TCAF1: variants seen among roughly 807,000 people sequenced by gnomAD.
TCAF1 encodes TRPM8 channel-associated factor 1.
TCAF1 carries 4 observed loss-of-function variants against 27.3 expected under a neutral mutation model. That is an observed-to-expected ratio of 0.15 (90% CI 0.07 to 0.34). The LOEUF (loss-of-function observed/expected upper bound fraction) is 0.34. Ranked by LOEUF, TCAF1 falls within the 10% of genes least tolerant of loss-of-function variation. TCAF1 has a pLI of 1.00. For synonymous variants in TCAF1, 105 were observed against 167.1 expected, an observed-to-expected ratio of 0.63 and a Z score of 2.87; for missense variants, 257 against 425.8, an observed-to-expected ratio of 0.60 and a Z score of 3.49.
chr7:143,897,588 G>T (rs1387553204), intron 1 of TCAF1, among the ~76,000 whole-genome samples: 1 of 151,860 alleles, frequency 6.6e-6, no homozygotes, highest in Non-Finnish European at 1.5e-5. Context: ...TTGTTCAATG[G>T]TCAAATGTAT....
At chr7:143,879,389 G>A (rs1812896430) in intron 1 of TCAF1, among the ~76,000 whole-genome samples, 1 of 152,204 alleles carries the variant, frequency 6.6e-6, no homozygotes, top group Non-Finnish European at 1.5e-5. Flanking sequence ...AGATGAAGAA[G>A]ACAAAGGTGG....
At chr7:143,893,506 C>T (rs1813742826) in intron 1 of TCAF1, among the ~76,000 whole-genome samples, 1 of 151,958 alleles carries the variant, frequency 6.6e-6, no homozygotes, top group African/African-American at 2.4e-5. Context: ...TCAAATAAAA[C>T]ATATACTGGG....
rs569273437 is a variant in TCAF1, at chr7:143,894,200, A to T, written c.-15+7761T>A. On this transcript the variant is annotated intron_variant, in intron 1 of 8. Coordinates refer to ENST00000479870, the MANE Select transcript of TCAF1 (RefSeq NM_014719.3). ...AGAAAATATAAATAATCCTATACATAAAAAAAATGCAGTCCAAAATCAAAA... is the reference window on the plus strand; with the variant it reads ...AGAAAATATAAATAATCCTATACATTAAAAAAATGCAGTCCAAAATCAAAA... 7.9e-5 allele frequency among the ~76,000 whole-genome samples: 12 copies of T among 151,328 alleles called. No individual in the cohort carries two copies. The East Asian group carries it at 1.5e-3, about 19-fold the overall frequency.
At chr7:143,894,639 A>G (rs1050909380) in intron 1 of TCAF1, among the ~76,000 whole-genome samples, 3 of 151,744 alleles carry the variant, frequency 2.0e-5, no homozygotes, top group African/African-American at 4.8e-5. Context: ...TTTGTGACCT[A>G]GAGGTAGGCA....
At chr7:143,881,927 T>C (rs1374605088) in intron 1 of TCAF1, 2 of 152,178 alleles carry the variant, frequency 1.3e-5, no homozygotes, top group Non-Finnish European at 2.9e-5. Flanking sequence ...TATTACCTTT[T>C]TAAATGTGGG....
intron 1 of TCAF1, among the ~76,000 whole-genome samples, chr7:143,897,974 GTATCTA>G (rs1430472527): frequency 2.0e-5 from 3 of 151,966 alleles, no homozygotes; most frequent in Non-Finnish European, 2.9e-5. Flanking sequence ...TTTACCTTTT[GTATCTA>G]TATCCACATA....
intron 1 of TCAF1, among the ~76,000 whole-genome samples, chr7:143,878,562 T>G (rs1206537248): frequency 1.3e-5 from 2 of 152,190 alleles, no homozygotes; most frequent in Admixed American, 1.3e-4. Flanking sequence ...TTAATTTCCC[T>G]CTAAGTGAGC....
At chr7:143,899,899 G>A (rs1238727907) in intron 1 of TCAF1, among the ~76,000 whole-genome samples, 1 of 152,196 alleles carries the variant, frequency 6.6e-6, no homozygotes, top group African/African-American at 2.4e-5. Context: ...AATCTCATTA[G>A]TTATGGAAAA....
At chr7:143,901,633 T>C (rs1187126755) in intron 1 of TCAF1, among the ~76,000 whole-genome samples, 1 of 152,164 alleles carries the variant, frequency 6.6e-6, no homozygotes, top group Non-Finnish European at 1.5e-5. Context: ...CCTAGAAGAA[T>C]GCAAGCCCCC....
intron 1 of TCAF1, among the ~76,000 whole-genome samples, chr7:143,896,065 A>G (rs1301290459): frequency 6.6e-6 from 1 of 151,866 alleles, no homozygotes; most frequent in African/African-American, 2.4e-5. Context: ...TTCAATGACA[A>G]GTTATAAATT....
At chr7:143,893,560 T>C (rs1813743909) in intron 1 of TCAF1, among the ~76,000 whole-genome samples, 1 of 152,062 alleles carries the variant, frequency 6.6e-6, no homozygotes, top group South Asian at 2.1e-4. Flanking sequence ...TAGAATATAT[T>C]CTCTGATCTT....
Position 143,891,626 on chromosome 7 carries a change from G to T in TCAF1, c.-15+10335C>A, listed in dbSNP as rs1457493960. Among the ~76,000 whole-genome samples, 6 of 152,210 alleles carry T rather than the reference G, an allele frequency of 3.9e-5. 1 individual carries two copies. The South Asian group carries it at 1.2e-3, about 32-fold the overall frequency. ...ACAAAGAGATCAAAAGATACAGAAAGAGTGTAACAGGATTATGAGATAGGG... is the reference window on the plus strand; with the variant it reads ...ACAAAGAGATCAAAAGATACAGAAATAGTGTAACAGGATTATGAGATAGGG... On this transcript the variant is annotated intron_variant, in intron 1 of 8. Coordinates refer to ENST00000479870, the MANE Select transcript of TCAF1 (RefSeq NM_014719.3).
At chr7:143,877,382 G>A (rs763778525) in intron 1 of TCAF1, among the ~76,000 whole-genome samples, 1 of 152,176 alleles carries the variant, frequency 6.6e-6, no homozygotes, top group Non-Finnish European at 1.5e-5. Context: ...CCAGCTTGGA[G>A]AACTCAGAAC....
chr7:143,882,709 G>T, intron 1 of TCAF1: 1 of 984,656 alleles, frequency 1.0e-6, no homozygotes. Flanking sequence ...TCTCCAGCCT[G>T]CCAGGCTTTT....
chr7:143,885,004 CA>C lies in TCAF1; in HGVS notation c.-14-8383del, dbSNP rs1033195567. 28 of 985,378 alleles carry C rather than the reference CA, an allele frequency of 2.8e-5. No individual in the cohort carries two copies. In the East Asian group the frequency reaches 9.1e-4, roughly 32 times the overall value. 61.0% of individuals were successfully genotyped at this position (985,378 alleles called of 1,614,324 possible). A position where few individuals can be genotyped will look rare whatever the true frequency, so the allele number is the denominator to read the frequency against. ...TGAAAGACATCTACCTCCCTGGACC[CA>C]AAACCCAAGGGGGTCCCAGGCCAAA... is the stretch of plus-strand genomic sequence containing the variant. On this transcript the variant is annotated intron_variant, in intron 1 of 8. Coordinates refer to ENST00000479870, the MANE Select transcript of TCAF1 (RefSeq NM_014719.3).
intron 6 of TCAF1, among the ~76,000 whole-genome samples, 196 bp downstream of exon 6, chr7:143,860,012 A>ATATT: frequency 6.7e-5 from 1 of 14,864 alleles, no homozygotes; most frequent in Admixed American, 9.5e-4. Flanking sequence ...ATATATATAT[A>ATATT]ATATATATTA....
intron 1 of TCAF1, among the ~76,000 whole-genome samples, chr7:143,890,511 T>C (rs1445044217): frequency 1.3e-5 from 2 of 152,096 alleles, no homozygotes; most frequent in Non-Finnish European, 1.5e-5. Context: ...AATCCTCCCA[T>C]TGGAAACAAT....
At chr7:143,891,449 A>G (rs912223823) in intron 1 of TCAF1, among the ~76,000 whole-genome samples, 5 of 152,096 alleles carry the variant, frequency 3.3e-5, no homozygotes, top group Non-Finnish European at 5.9e-5. Context: ...AAAATGAAAA[A>G]TTAAAAAAGA....
At chr7:143,884,848 T>C in intron 1 of TCAF1, 1 of 325,782 alleles carries the variant, frequency 3.1e-6, no homozygotes, top group Non-Finnish European at 4.4e-6. Context: ...CTTTGAAATA[T>C]ATTTCATAAT....
Sources: gnomAD v4.1 joint callset for allele counts (sites outside exome capture counted in the v4.1 genomes callset) on GRCh38, gnomAD v4.1.1 for gene constraint, MANE v1.5 for transcripts, NCBI Gene and HGNC (gene_info 2026-07-23, HGNC 2026-07-21) for gene names.